SPTAN1: variants seen among roughly 807,000 people sequenced by gnomAD.
SPTAN1 encodes spectrin alpha, non-erythrocytic 1.
In SPTAN1, 61 loss-of-function variants were observed where a neutral mutation model predicts 331.3. The observed-to-expected ratio is 0.18, with a 90% CI of 0.15 to 0.23. SPTAN1 has a LOEUF of 0.23. Ranked by LOEUF, SPTAN1 falls within the 10% of genes least tolerant of loss-of-function variation. The pLI is 1.00. For missense variants in SPTAN1, 2,043 were observed against 3,147.9 expected, an observed-to-expected ratio of 0.65 and a Z score of 8.40; for synonymous variants, 1,153 against 1,173.9, an observed-to-expected ratio of 0.98 and a Z score of 0.36.
Position 128,608,941 on chromosome 9 carries a change from G to A in SPTAN1, c.4559G>A (p.Gly1520Glu), listed in dbSNP as rs1205895708. The change falls in exon 35 of 57, where the codon GGA (glycine) becomes GAA (glutamate). Residue 1520 changes from glycine to glutamate, a missense_variant. By Grantham distance (98) the Gly-to-Glu change is moderately conservative (BLOSUM62 -2). This residue lies in a region of SPTAN1 where 40 missense variants were observed against 32.6 expected (regional missense o/e 1.23). Transcript: ENST00000372739. The part of the protein sequence containing the change: ...QLIAAGHYAK[G>E]DISSRRNEVL... Reference sequence around the variant, plus strand: ...ATCGCTGCCGGCCATTATGCCAAGGGAGACATTTCTAGCCGGCGCAATGAG... The same window carrying A: ...ATCGCTGCCGGCCATTATGCCAAGGAAGACATTTCTAGCCGGCGCAATGAG... 1.9e-6 allele frequency: 3 copies of A among 1,614,234 alleles called. No homozygotes were observed. The highest frequency in any genetic ancestry group is 2.5e-6 in the Non-Finnish European group (3 of 1,180,042).
intron 12 of SPTAN1, 51 bp from the exon 13 acceptor site, chr9:128,582,428 A>G (rs2131121253): frequency 6.5e-7 from 1 of 1,545,718 alleles, no homozygotes; most frequent in African/African-American, 1.4e-5. Context: ...CCAGAGGCCA[A>G]GCTTGGGACT....
chr9:128,585,321 G>A (rs1852452557), intron 18 of SPTAN1, among the ~76,000 whole-genome samples: 1 of 152,028 alleles, frequency 6.6e-6, no homozygotes, highest in South Asian at 2.1e-4. Context: ...GAGCCACCGC[G>A]CCTGGCTCCG....
intron 21 of SPTAN1, among the ~76,000 whole-genome samples, chr9:128,589,167 C>A (rs1589236075): frequency 6.6e-6 from 1 of 152,162 alleles, no homozygotes; most frequent in East Asian, 1.9e-4. Context: ...TAGATAATCA[C>A]ACTCAGAAGG....
chr9:128,574,327 A>G (rs1157106840), intron 3 of SPTAN1, among the ~76,000 whole-genome samples: 1 of 148,514 alleles, frequency 6.7e-6, no homozygotes, highest in Admixed American at 6.7e-5. Context: ...ATATAACTAT[A>G]CAATATAAAT....
intron 22 of SPTAN1, among the ~76,000 whole-genome samples, chr9:128,592,209 A>T (rs1564246859): frequency 6.6e-6 from 1 of 152,116 alleles, no homozygotes; most frequent in Non-Finnish European, 1.5e-5. Context: ...CAGTAAGATC[A>T]GAGTTATTTG....
chr9:128,581,633 T>C lies in SPTAN1; in HGVS notation c.1462-149T>C. On this transcript the variant is annotated intron_variant, in intron 11 of 56. Transcript: ENST00000372739. ...ATTTTAAGAAAATCCAAAAGGACTT[T>C]AGACTTCCTAGAAGAGATCTTAGAA... 8 of 709,600 alleles carry C rather than the reference T, an allele frequency of 1.1e-5. 1 individual carries two copies. In the South Asian group the frequency reaches 1.3e-4, roughly 11 times the overall value. The allele number at this position is 709,600 out of a possible 1,614,324, so 44.0% of individuals were successfully genotyped here. A position where few individuals can be genotyped will look rare whatever the true frequency, so the allele number is the denominator to read the frequency against.
chr9:128,632,996 A>C (rs984332061), intron 56 of SPTAN1, 41 bp downstream of exon 56: 1 of 1,606,486 alleles, frequency 6.2e-7, no homozygotes, highest in African/African-American at 1.3e-5. Flanking sequence ...GTCCTTTGGA[A>C]AACTAAAGCC....
intron 26 of SPTAN1, chr9:128,599,692 A>AC: frequency 9.6e-6 from 2 of 209,212 alleles, no homozygotes; most frequent in Non-Finnish European, 9.6e-6. Context: ...CTCTAAAAAA[A>AC]AAAAAAAAAA....
At chr9:128,562,966 A>G (rs1323350580) in intron 1 of SPTAN1, among the ~76,000 whole-genome samples, 1 of 126,164 alleles carries the variant, frequency 7.9e-6, no homozygotes, top group Non-Finnish European at 1.6e-5. Context: ...CTCCGTCTAA[A>G]AAAAAATATA....
At chr9:128,624,798 TG>T in intron 46 of SPTAN1, 3 of 565,724 alleles carry the variant, frequency 5.3e-6, no homozygotes, top group South Asian at 4.0e-5. Context: ...CTAGCTGCCC[TG>T]GTCAGGGGCG....
intron 22 of SPTAN1, 125 bp downstream of exon 22, chr9:128,591,750 A>G: frequency 2.4e-6 from 3 of 1,236,028 alleles, no homozygotes; most frequent in Non-Finnish European, 3.4e-6. Flanking sequence ...TGCTGTCTCC[A>G]CCCCACTTTG....
intron 1 of SPTAN1, among the ~76,000 whole-genome samples, chr9:128,554,275 T>A (rs980946673): frequency 6.6e-6 from 1 of 152,216 alleles, no homozygotes; most frequent in Admixed American, 6.5e-5. Context: ...GCAGTTCTTA[T>A]GGCAAACCAT....
Position 128,585,860 on chromosome 9 carries a change from G to C in SPTAN1, c.2673G>C (p.Gln891His). The C allele has an allele frequency of 6.2e-7, 1 of 1,614,110 alleles. No individual in the cohort carries two copies. Among genetic ancestry groups the C allele is most frequent in the Non-Finnish European group, 8.5e-7 (1 of 1,180,032 alleles). The part of the protein sequence containing the change: ...QRRQDLEDSL[Q>H]AQQYFADANE... ...GGCAGGACCTGGAGGACTCTCTGCA[G>C]GCCCAGCAGTACTTTGCTGATGCTA... Residue 891 changes from glutamine to histidine, a missense_variant, in exon 19 of 57, where the codon CAG (glutamine) becomes CAC (histidine). Coordinates refer to ENST00000372739, the MANE Select transcript of SPTAN1 (RefSeq NM_001130438.3).
chr9:128,561,084 T>C (rs966011053), intron 1 of SPTAN1, among the ~76,000 whole-genome samples: 8 of 149,132 alleles, frequency 5.4e-5, no homozygotes, highest in Non-Finnish European at 1.2e-4. Flanking sequence ...ATAAATAATA[T>C]GTCGGCCAGG....
At chr9:128,626,809 C>G in intron 49 of SPTAN1, 122 bp downstream of exon 49, 3 of 1,116,000 alleles carry the variant, frequency 2.7e-6, no homozygotes, top group Non-Finnish European at 3.9e-6. Context: ...ATGGTTTCAT[C>G]AGAAGTTTCA....
At chr9:128,600,376 C>T (rs1202028005) in intron 27 of SPTAN1, among the ~76,000 whole-genome samples, 1 of 152,166 alleles carries the variant, frequency 6.6e-6, no homozygotes, top group Non-Finnish European at 1.5e-5. Flanking sequence ...GCAGGGAGCA[C>T]TGTTGTTGGC....
chr9:128,625,991 C>T lies in SPTAN1; in HGVS notation c.6279+13C>T, dbSNP rs772902568. 22 of 1,612,926 alleles carry T rather than the reference C, an allele frequency of 1.4e-5. No homozygotes were observed. Among genetic ancestry groups the T allele is most frequent in the Non-Finnish European group, 1.9e-5 (22 of 1,179,400 alleles). On this transcript the variant is annotated intron_variant, in intron 48 of 56. Coordinates refer to ENST00000372739, the MANE Select transcript of SPTAN1 (RefSeq NM_001130438.3). The surrounding 1 kb of genome is among the most constrained non-coding windows in gnomAD (Gnocchi z 4.1). ...TCACTTCCGCAAGGTGAGGATGGGG[C>T]CACGTGAAGCTTAGCTGGCCCACAG...
chr9:128,615,758 G>A lies in SPTAN1; in HGVS notation c.5275G>A (p.Ala1759Thr). ...GRFQKIKSMA[A>T]SRRAKLNESH... ...CTTCCAGAAGATCAAGAGCATGGCG[G>A]CCTCCCGGCGAGCCAAGCTGAATGA... Residue 1759 changes from alanine to threonine, a missense_variant, in exon 41 of 57, where the codon GCC becomes ACC. Coordinates refer to ENST00000372739, the MANE Select transcript of SPTAN1 (RefSeq NM_001130438.3). 2 of 1,614,218 alleles carry A rather than the reference G, an allele frequency of 1.2e-6. No individual in the cohort carries two copies. The highest frequency in any genetic ancestry group is 1.1e-5 in the South Asian group (1 of 91,082).
chr9:128,589,100 G>T (rs758484724), intron 21 of SPTAN1, among the ~76,000 whole-genome samples, 157 bp downstream of exon 21: 2 of 152,114 alleles, frequency 1.3e-5, no homozygotes, highest in Non-Finnish European at 2.9e-5. Context: ...ATACATTTAT[G>T]CAGTACTGTG....
Sources: gnomAD v4.1 joint callset for allele counts (sites outside exome capture counted in the v4.1 genomes callset) on GRCh38, gnomAD v4.1.1 for gene constraint, gnomAD v4.1.1 regional missense constraint, Gnocchi (gnomAD v3.1) non-coding constraint, MANE v1.5 for transcripts, NCBI Gene and HGNC (gene_info 2026-07-23, HGNC 2026-07-21) for gene names.